DIP2B: variants seen among roughly 807,000 people sequenced by gnomAD.
DIP2B encodes disco-interacting protein 2 homolog B.
DIP2B carries 76 observed loss-of-function variants against 198.0 expected under a neutral mutation model. The observed-to-expected ratio is 0.38, with a 90% CI of 0.32 to 0.46. The LOEUF (loss-of-function observed/expected upper bound fraction) is 0.46, where lower values mean the gene tolerates loss of function less well. Ranked by LOEUF, DIP2B falls within the 20% of genes least tolerant of loss-of-function variation. The pLI is 0.99. For synonymous variants in DIP2B, 701 were observed against 739.1 expected, an observed-to-expected ratio of 0.95 and a Z score of 0.84; for missense variants, 1,559 against 1,978.4, an observed-to-expected ratio of 0.79 and a Z score of 4.02.
intron 1 of DIP2B, among the ~76,000 whole-genome samples, chr12:50,559,311 G>GTTT (rs1958497854): frequency 3.5e-5 from 4 of 115,480 alleles, no homozygotes; most frequent in East Asian, 2.7e-4. Context: ...GTAATTATTT[G>GTTT]TCTTTTTTTT....
chr12:50,722,938 A>G (rs1939868677), intron 26 of DIP2B, among the ~76,000 whole-genome samples: 1 of 152,166 alleles, frequency 6.6e-6, no homozygotes, highest in Non-Finnish European at 1.5e-5. Flanking sequence ...TCAAGCAATA[A>G]TATCAATATA....
In DIP2B at chr12:50,505,035, G is replaced by C. The variant is rs1362105429; in HGVS notation, c.-106G>C. ...CGGCGGCGGCGGCGGTGCTGGTGGT[G>C]CTCGGCGGCCGGAGCCGGATCCTGT... is the stretch of plus-strand genomic sequence containing the variant. On this transcript the variant is annotated 5_prime_UTR_variant, in exon 1 of 38. Coordinates refer to ENST00000301180, the MANE Select transcript of DIP2B (RefSeq NM_173602.3). 4 of 1,201,300 alleles carry C rather than the reference G, an allele frequency of 3.3e-6. No individual in the cohort carries two copies. The highest frequency in any genetic ancestry group is 2.7e-5 in the East Asian group (1 of 36,864). 74.4% of individuals were successfully genotyped at this position (1,201,300 alleles called of 1,614,324 possible).
intron 1 of DIP2B, among the ~76,000 whole-genome samples, chr12:50,594,866 T>C (rs1348114294): frequency 6.6e-6 from 1 of 152,202 alleles, no homozygotes; most frequent in African/African-American, 2.4e-5. Context: ...ACATTACTAG[T>C]TTTTAGGTAG....
intron 1 of DIP2B, among the ~76,000 whole-genome samples, chr12:50,573,569 G>A (rs1958633648): frequency 6.6e-6 from 1 of 152,296 alleles, no homozygotes; most frequent in Admixed American, 6.5e-5. Context: ...GACAGTGTCT[G>A]GAATGATTTG....
chr12:50,517,830 T>G (rs187009227), intron 1 of DIP2B, among the ~76,000 whole-genome samples: 3 of 152,306 alleles, frequency 2.0e-5, no homozygotes, highest in East Asian at 1.9e-4. Flanking sequence ...GTTCTTCCCC[T>G]TTTTTTGCCC....
At chr12:50,559,339 T>C (rs533475994) in intron 1 of DIP2B, among the ~76,000 whole-genome samples, 9 of 146,422 alleles carry the variant, frequency 6.1e-5, no homozygotes, top group African/African-American at 2.3e-4. Context: ...TTTGCTGGGC[T>C]GGCATAACAA....
chr12:50,583,440 C>T (rs1958743154), intron 1 of DIP2B, among the ~76,000 whole-genome samples: 2 of 152,282 alleles, frequency 1.3e-5, no homozygotes, highest in Non-Finnish European at 1.5e-5. Flanking sequence ...CTTCCCAAGG[C>T]GCTTACTGCT....
At chr12:50,675,286 T>C (rs1938927116) in intron 6 of DIP2B, 43 bp from the exon 7 acceptor site, 1 of 1,601,196 alleles carries the variant, frequency 6.2e-7, no homozygotes, top group Non-Finnish European at 8.5e-7. Flanking sequence ...TAAAATATCC[T>C]TACAGTCAAT....
intron 22 of DIP2B, among the ~76,000 whole-genome samples, chr12:50,712,622 A>G (rs902596672): frequency 6.9e-6 from 1 of 144,256 alleles, no homozygotes. Flanking sequence ...AAACAAACGA[A>G]AAAGGGCTGG....
intron 19 of DIP2B, among the ~76,000 whole-genome samples, chr12:50,699,548 G>A (rs549810931): frequency 6.6e-6 from 1 of 152,256 alleles, no homozygotes; most frequent in African/African-American, 2.4e-5. Context: ...TTTTTTAAAA[G>A]GGTAAGATGA....
chr12:50,590,171 T>TA (rs398019523), intron 1 of DIP2B, among the ~76,000 whole-genome samples: 5 of 151,788 alleles, frequency 3.3e-5, no homozygotes, highest in South Asian at 2.1e-4. Flanking sequence ...TTTTTTTTTT[T>TA]AATTTTATGT....
intron 1 of DIP2B, among the ~76,000 whole-genome samples, chr12:50,553,528 G>T (rs1038325028): frequency 6.6e-6 from 1 of 152,176 alleles, no homozygotes; most frequent in African/African-American, 2.4e-5. Context: ...TATAAGGTAC[G>T]ACTGAATTAA....
chr12:50,529,849 C>G (rs1203474705), intron 1 of DIP2B, among the ~76,000 whole-genome samples: 1 of 151,560 alleles, frequency 6.6e-6, no homozygotes, highest in Non-Finnish European at 1.5e-5. Flanking sequence ...ACAGAGCGAG[C>G]CTCTGTCTCA....
At chr12:50,605,319 T>C (rs1366182646) in intron 1 of DIP2B, among the ~76,000 whole-genome samples, 11 of 152,190 alleles carry the variant, frequency 7.2e-5, no homozygotes, top group Non-Finnish European at 1.5e-5. Flanking sequence ...AGGTGGCTCA[T>C]GCCTGTAGTC....
chr12:50,603,724 G>GA lies in DIP2B; in HGVS notation c.101-22242dup, dbSNP rs146891018. Among the ~76,000 whole-genome samples, 141 of 147,172 alleles carry GA rather than the reference G, an allele frequency of 9.6e-4. 1 individual carries two copies. Among genetic ancestry groups the GA allele is most frequent in the East Asian group, 1.8e-3 (9 of 5,046 alleles). On this transcript the variant is annotated intron_variant, in intron 1 of 37. Transcript: ENST00000301180. ...GCAACAGAATGAGACCTTGCCTTTG[G>GA]AAAAAAAAAAGACTCAAGTCATTTT...
intron 2 of DIP2B, among the ~76,000 whole-genome samples, chr12:50,632,347 C>G (rs776440275): frequency 6.6e-6 from 1 of 150,778 alleles, no homozygotes; most frequent in African/African-American, 2.4e-5. Flanking sequence ...GGCATGGTGT[C>G]GCATGCCTGT....
chr12:50,505,092 T>C lies in DIP2B; in HGVS notation c.-49T>C. The C allele has an allele frequency of 6.7e-7, 1 of 1,502,034 alleles. No homozygotes were observed. The highest frequency in any genetic ancestry group is 8.9e-7 in the Non-Finnish European group (1 of 1,120,854). 93.0% of individuals were successfully genotyped at this position (1,502,034 alleles called of 1,614,324 possible). On this transcript the variant is annotated 5_prime_UTR_variant, in exon 1 of 38. Transcript: ENST00000301180. ...GTGTGGGCCCGTGTCTGTCCGTCCC[T>C]CCTTCGGCCCCCTCTCTTGTCTTCC...
intron 1 of DIP2B, among the ~76,000 whole-genome samples, chr12:50,599,758 TAG>T (rs1958919636): frequency 1.3e-5 from 2 of 152,256 alleles, no homozygotes; most frequent in Admixed American, 6.5e-5. Context: ...GGTGTAATCA[TAG>T]CCTTTGTCCA....
At chr12:50,635,034 A>G (rs1938133376) in intron 2 of DIP2B, among the ~76,000 whole-genome samples, 1 of 152,220 alleles carries the variant, frequency 6.6e-6, no homozygotes, top group Admixed American at 6.5e-5. Context: ...TGCAGAGTAT[A>G]TCAATTCTCA....
Sources: allele counts gnomAD v4.1 joint callset (sites outside exome capture counted in the v4.1 genomes callset), GRCh38; gene constraint gnomAD v4.1.1; transcripts MANE v1.5; gene names NCBI Gene and HGNC (gene_info 2026-07-23, HGNC 2026-07-21).